Variants in PCDHGA12 observed in about 807,000 individuals in gnomAD.
The protein encoded by PCDHGA12 is protocadherin gamma subfamily A, 12.
In PCDHGA12, 43 loss-of-function variants were observed where a neutral mutation model predicts 61.1. The ratio of observed to expected loss-of-function variants is 0.70; its 90% CI spans 0.55 to 0.91. The LOEUF (loss-of-function observed/expected upper bound fraction) is 0.91, where lower values mean the gene tolerates loss of function less well. PCDHGA12 is among the 40% of genes least tolerant of loss of function. The probability of loss-of-function intolerance (pLI) is 0.00; values close to 1 mark genes in which losing one functional copy is unlikely to be tolerated. For synonymous variants in PCDHGA12, 520 were observed against 542.9 expected (o/e 0.96, Z 0.59); for missense variants, 1,236 against 1,227.7 (o/e 1.01, Z -0.10).
Position 141,485,609 on chromosome 5 carries a change from G to C in PCDHGA12, c.2425-9198G>C, listed in dbSNP as rs1432367043. On this transcript the variant is annotated intron_variant, in intron 1 of 3. Coordinates refer to ENST00000252085, the MANE Select transcript of PCDHGA12 (RefSeq NM_003735.3). The surrounding 1 kb of genome is among the most constrained non-coding windows in gnomAD (Gnocchi z 5.7). ...GCTGGACTTGGAAATTGGGGAGGCA[G>C]CTCCTCCAGGACAGCGTTTCCCGTT... The C allele has an allele frequency of 1.2e-6, 2 of 1,612,138 alleles. No homozygotes were observed. Among genetic ancestry groups the C allele is most frequent in the Non-Finnish European group, 1.7e-6 (2 of 1,178,664 alleles).
At position 141,430,951 on chromosome 5, in the gene PCDHGA12, C is replaced by T. The variant is rs200771871; in HGVS notation, c.192C>T (p.Val64=). The T allele has an allele frequency of 3.2e-5, 51 of 1,610,496 alleles. No homozygotes were observed. Among genetic ancestry groups the T allele is most frequent in the African/African-American group, 1.5e-4 (11 of 74,842 alleles). Residue 64 remains valine, a synonymous_variant, in exon 1 of 4, where the codon GTC becomes GTT. Transcript: ENST00000252085. ...CCCGGGAGCTCGCGGAGCGCGGAGT[C>T]CGCATCATCCCCAGAGGTAGGACGC... ...LEPRELAERG[V]RIIPRGRTQL...
chr5:141,510,209 G>T (rs1294961681), intron 3 of PCDHGA12, among the ~76,000 whole-genome samples: 12 of 151,440 alleles, frequency 7.9e-5, no homozygotes, highest in African/African-American at 2.9e-4. Flanking sequence ...GGAGGCAGAG[G>T]TTGCAGTGAG....
At position 141,477,577 on chromosome 5, in the gene PCDHGA12, G is replaced by T; in HGVS notation, c.2425-17230G>T. Reference sequence around the variant, plus strand: ...TAAGTGTCTGGGACCCCGACGCCCCGCAGAATGCTCGGCTTTCTTTCTTTC... The same window carrying T: ...TAAGTGTCTGGGACCCCGACGCCCCTCAGAATGCTCGGCTTTCTTTCTTTC... On this transcript the variant is annotated intron_variant, in intron 1 of 3. Transcript: ENST00000252085. The surrounding 1 kb of genome is among the most constrained non-coding windows in gnomAD (Gnocchi z 4.9). 1.2e-6 allele frequency: 2 copies of T among 1,614,124 alleles called. No homozygotes were observed. Among genetic ancestry groups the T allele is most frequent in the Non-Finnish European group, 1.7e-6 (2 of 1,180,020 alleles).
chr5:141,476,619 CTT>C lies in PCDHGA12; in HGVS notation c.2425-18186_2425-18185del. Reference sequence around the variant, plus strand: ...CACGATCCCGATGTGGGAAGCAACTCTTTACAAACCTATGAGCTGAGCCGAAA... The same window carrying C: ...CACGATCCCGATGTGGGAAGCAACTCTACAAACCTATGAGCTGAGCCGAAA... On this transcript the variant is annotated intron_variant, in intron 1 of 3. Transcript: ENST00000252085. This position sits in a 1 kb window ranked among gnomAD's most constrained non-coding sequence, Gnocchi z 7.6. The C allele has an allele frequency of 1.2e-6, 2 of 1,614,258 alleles. No homozygotes were observed. The highest frequency in any genetic ancestry group is 1.7e-6 in the Non-Finnish European group (2 of 1,180,052).
chr5:141,463,018 T>C (rs1318740358), intron 1 of PCDHGA12, among the ~76,000 whole-genome samples: 1 of 152,212 alleles, frequency 6.6e-6, no homozygotes, highest in Admixed American at 6.5e-5. Flanking sequence ...AATTCTGACT[T>C]TTTTGATTAA....
In PCDHGA12 at chr5:141,477,963, A is replaced by C; in HGVS notation, c.2425-16844A>C. ...TACAGTCTCTTGGGATCCCCTAACC[A>C]GAGCCTTTTTGCCATAGGGCTGCAC... On this transcript the variant is annotated intron_variant, in intron 1 of 3. Coordinates refer to ENST00000252085, the MANE Select transcript of PCDHGA12 (RefSeq NM_003735.3). The surrounding 1 kb of genome is among the most constrained non-coding windows in gnomAD (Gnocchi z 4.9). The C allele has an allele frequency of 1.2e-6, 2 of 1,614,118 alleles. No individual in the cohort carries two copies. The highest frequency in any genetic ancestry group is 1.7e-6 in the Non-Finnish European group (2 of 1,180,024).
intron 3 of PCDHGA12, among the ~76,000 whole-genome samples, chr5:141,510,266 C>T (rs1202092142): frequency 7.0e-6 from 1 of 143,198 alleles, no homozygotes; most frequent in Non-Finnish European, 1.5e-5. Flanking sequence ...GAGCAGGACT[C>T]CATCTTAAAA....
chr5:141,463,446 T>TC, intron 1 of PCDHGA12, among the ~76,000 whole-genome samples: 1 of 125,012 alleles, frequency 8.0e-6, no homozygotes, highest in Non-Finnish European at 1.7e-5. Flanking sequence ...TCCTTTTTTT[T>TC]TTTTTTTTTT....
At position 141,432,644 on chromosome 5, in the gene PCDHGA12, G is replaced by A; in HGVS notation, c.1885G>A (p.Ala629Thr). The A allele has an allele frequency of 1.2e-6, 2 of 1,613,812 alleles. No homozygotes were observed. The highest frequency in any genetic ancestry group is 1.7e-6 in the Non-Finnish European group (2 of 1,179,942). ...TCTGCACACGGGCGAGGTGCGCACG[G>A]CGCGAGCCCTGCTGGACAGAGACGC... ...VGLHTGEVRT[A>T]RALLDRDALK... The change falls in exon 1 of 4, where the codon GCG (alanine) becomes ACG (threonine). Residue 629 changes from alanine to threonine, a missense_variant. Coordinates refer to ENST00000252085, the MANE Select transcript of PCDHGA12 (RefSeq NM_003735.3). The surrounding 1 kb of genome is among the most constrained non-coding windows in gnomAD (Gnocchi z 6.0).
Position 141,491,763 on chromosome 5 carries a change from T to A in PCDHGA12, c.2425-3044T>A. 1 of 1,570,222 alleles carries A rather than the reference T, an allele frequency of 6.4e-7. No individual in the cohort carries two copies. The highest frequency in any genetic ancestry group is 8.6e-7 in the Non-Finnish European group (1 of 1,159,286). On this transcript the variant is annotated intron_variant, in intron 1 of 3. Transcript: ENST00000252085. This position sits in a 1 kb window ranked among gnomAD's most constrained non-coding sequence, Gnocchi z 6.9. ...GCGGCACTGGAGAAGCCGCCCGTCC[T>A]CATAAGGGATTGAACTTGCATCCAC... is the stretch of plus-strand genomic sequence containing the variant.
chr5:141,433,056 G>C lies in PCDHGA12; in HGVS notation c.2297G>C (p.Ser766Thr). The change falls in exon 1 of 4, where the codon AGT becomes ACT. Residue 766 changes from serine to threonine, a missense_variant. Ser to Thr is a moderately conservative substitution (Grantham distance 58). Transcript: ENST00000252085. Reference sequence around the variant, plus strand: ...TCCCTCACCACGGACTCGCGGAAGAGTCACCTGATCTTCCCCCAGCCCAAC... The same window carrying C: ...TCCCTCACCACGGACTCGCGGAAGACTCACCTGATCTTCCCCCAGCCCAAC... The part of the protein sequence containing the change: ...EVSLTTDSRK[S>T]HLIFPQPNYA... The C allele has an allele frequency of 6.2e-6, 10 of 1,614,204 alleles. No homozygotes were observed. The highest frequency in any genetic ancestry group is 8.5e-6 in the Non-Finnish European group (10 of 1,180,034).
At chr5:141,506,700 G>A (rs780282969) in intron 3 of PCDHGA12, among the ~76,000 whole-genome samples, 3 of 152,138 alleles carry the variant, frequency 2.0e-5, no homozygotes, top group Non-Finnish European at 2.9e-5. Flanking sequence ...ACCCAAACCC[G>A]TTTTTTACTG....
At chr5:141,470,734 G>C (rs970003510) in intron 1 of PCDHGA12, among the ~76,000 whole-genome samples, 1 of 152,128 alleles carries the variant, frequency 6.6e-6, no homozygotes, top group South Asian at 2.1e-4. Context: ...GTCTTGCTCT[G>C]TCGCCCTGGC....
In PCDHGA12 at chr5:141,477,191, A is replaced by G; in HGVS notation, c.2425-17616A>G. ...GGAGATCACAGTCACCTCCGTGTACAGCCCAGTACCCGAGGATGCCCCTCT... is the reference window on the plus strand; with the variant it reads ...GGAGATCACAGTCACCTCCGTGTACGGCCCAGTACCCGAGGATGCCCCTCT... On this transcript the variant is annotated intron_variant, in intron 1 of 3. Transcript: ENST00000252085. This position sits in a 1 kb window ranked among gnomAD's most constrained non-coding sequence, Gnocchi z 4.9. 5.0e-6 allele frequency: 8 copies of G among 1,614,210 alleles called. No homozygotes were observed. The highest frequency in any genetic ancestry group is 6.8e-6 in the Non-Finnish European group (8 of 1,180,044).
intron 1 of PCDHGA12, among the ~76,000 whole-genome samples, chr5:141,450,379 A>C (rs1269979263): frequency 6.6e-6 from 1 of 152,144 alleles, no homozygotes; most frequent in Non-Finnish European, 1.5e-5. Flanking sequence ...GTTTATATGA[A>C]ACTGACATTT....
intron 1 of PCDHGA12, among the ~76,000 whole-genome samples, chr5:141,470,600 G>A (rs890975756): frequency 4.6e-5 from 7 of 152,142 alleles, no homozygotes; most frequent in South Asian, 2.1e-4. Context: ...CGACCTGTGC[G>A]GGGACACAGG....
intron 1 of PCDHGA12, among the ~76,000 whole-genome samples, chr5:141,466,514 T>C (rs1276000407): frequency 6.6e-6 from 1 of 152,226 alleles, no homozygotes; most frequent in Non-Finnish European, 1.5e-5. Context: ...AAGATCATTT[T>C]TTTTCCTCCC....
At chr5:141,469,885 C>A (rs1464434089) in intron 1 of PCDHGA12, among the ~76,000 whole-genome samples, 3 of 152,204 alleles carry the variant, frequency 2.0e-5, no homozygotes, top group African/African-American at 4.8e-5. Context: ...AATCTCGGCA[C>A]TTTGGGAAGC....
chr5:141,485,797 C>T lies in PCDHGA12; in HGVS notation c.2425-9010C>T. 1 of 1,614,228 alleles carries T rather than the reference C, an allele frequency of 6.2e-7. No homozygotes were observed. Among genetic ancestry groups the T allele is most frequent in the South Asian group, 1.1e-5 (1 of 91,092 alleles). On this transcript the variant is annotated intron_variant, in intron 1 of 3. Coordinates refer to ENST00000252085, the MANE Select transcript of PCDHGA12 (RefSeq NM_003735.3). This position sits in a 1 kb window ranked among gnomAD's most constrained non-coding sequence, Gnocchi z 5.7. ...TGGATCGAGAGAAGCAATCGGACTACCGCCTGGTGCTGACTGCTGTCGATG... is the reference window on the plus strand; with the variant it reads ...TGGATCGAGAGAAGCAATCGGACTATCGCCTGGTGCTGACTGCTGTCGATG...
Sources: allele counts gnomAD v4.1 joint callset (sites outside exome capture counted in the v4.1 genomes callset), GRCh38; gene constraint gnomAD v4.1.1; non-coding constraint Gnocchi (gnomAD v3.1); transcripts MANE v1.5; gene names NCBI Gene and HGNC (gene_info 2026-07-23, HGNC 2026-07-21).